The following GRAMD2B variants were observed in gnomAD, a reference collection of about 807,000 sequenced individuals.
The protein encoded by GRAMD2B is GRAM domain containing 2B.
In GRAMD2B, 41 loss-of-function variants were observed where a neutral mutation model predicts 59.2. The ratio of observed to expected loss-of-function variants is 0.69; its 90% CI spans 0.54 to 0.90. GRAMD2B has a LOEUF of 0.90. GRAMD2B is among the 40% of genes least tolerant of loss of function. GRAMD2B has a pLI of 0.00. For missense variants in GRAMD2B, 424 were observed against 500.5 expected (o/e 0.85, Z 1.46); for synonymous variants, 161 against 182.7 (o/e 0.88, Z 0.96).
intron 1 of GRAMD2B, among the ~76,000 whole-genome samples, chr5:126,437,910 A>G (rs998692410): frequency 1.3e-5 from 2 of 152,246 alleles, no homozygotes; most frequent in Non-Finnish European, 2.9e-5. Context: ...TAGCCTGTGT[A>G]GACTTTACTG....
At chr5:126,476,956 G>A (rs997180707) in intron 5 of GRAMD2B, among the ~76,000 whole-genome samples, 1 of 152,110 alleles carries the variant, frequency 6.6e-6, no homozygotes, top group African/African-American at 2.4e-5. Context: ...GGCCTAGAAC[G>A]GATAGCTTAC....
chr5:126,465,277 G>A, intron 1 of GRAMD2B, 149 bp from the exon 2 acceptor site: 1 of 1,484,570 alleles, frequency 6.7e-7, no homozygotes, highest in Non-Finnish European at 8.9e-7. Context: ...AATGGAGATT[G>A]GGAAAGGGCC....
chr5:126,416,996 C>T (rs1399063981), intron 1 of GRAMD2B, among the ~76,000 whole-genome samples: 1 of 152,242 alleles, frequency 6.6e-6, no homozygotes, highest in African/African-American at 2.4e-5. Context: ...ATGGGTTTTA[C>T]CTGTTTTGTT....
chr5:126,493,020 G>A lies in GRAMD2B; in HGVS notation c.*64G>A. The A allele has an allele frequency of 1.4e-6, 2 of 1,410,608 alleles. No homozygotes were observed. The highest frequency in any genetic ancestry group is 1.0e-6 in the Non-Finnish European group (1 of 999,120). 87.4% of individuals were successfully genotyped at this position (1,410,608 alleles called of 1,614,324 possible). ...TCCCTTTGAAGAAGGTGCTTCCTGA[G>A]GCGTTTTGTTTGAGTGCACCCTGCT... is the stretch of plus-strand genomic sequence containing the variant. On this transcript the variant is annotated 3_prime_UTR_variant, in exon 14 of 14. Coordinates refer to ENST00000285689, the MANE Select transcript of GRAMD2B (RefSeq NM_023927.4).
intron 1 of GRAMD2B, among the ~76,000 whole-genome samples, chr5:126,385,529 T>A (rs943762543): frequency 2.6e-5 from 4 of 152,250 alleles, no homozygotes; most frequent in Non-Finnish European, 5.9e-5. Context: ...CATCCATTTT[T>A]AATTTAATAT....
rs73783614 is a variant in GRAMD2B, at chr5:126,364,820, A to G, written c.128+4361A>G. Among the ~76,000 whole-genome samples the G allele has an allele frequency of 1.1e-3, 161 of 152,336 alleles. 2 individuals are homozygous for G. The highest frequency in any genetic ancestry group is 3.7e-3 in the African/African-American group (155 of 41,576). On this transcript the variant is annotated intron_variant, in intron 1 of 13. Coordinates refer to the GRAMD2B transcript ENST00000513040. ...AAACATCTTGGCCAGTGGTATGTTC[A>G]TTCCCAAACAAATCTTTCTGAGATG...
chr5:126,367,163 A>C (rs1754494578), upstream of GRAMD2B, among the ~76,000 whole-genome samples: 1 of 152,140 alleles, frequency 6.6e-6, no homozygotes, highest in Non-Finnish European at 1.5e-5. Flanking sequence ...GGCCCAGACC[A>C]AGGCTTTTTT....
At chr5:126,483,684 T>C in intron 9 of GRAMD2B, 110 bp downstream of exon 9, 1 of 617,896 alleles carries the variant, frequency 1.6e-6, no homozygotes, top group South Asian at 2.2e-5. Context: ...ACCCACATTG[T>C]CTTCCTAGTT....
intron 1 of GRAMD2B, among the ~76,000 whole-genome samples, chr5:126,450,652 TAAAAAAAAAAA>T (rs10544199): frequency 1.1e-4 from 11 of 96,054 alleles, no homozygotes; most frequent in East Asian, 6.8e-4. Context: ...AGCCTGCTGT[TAAAAAAAAAAA>T]AAAAAAAAAA....
chr5:126,374,132 G>A (rs923990838), intron 1 of GRAMD2B, among the ~76,000 whole-genome samples: 1 of 152,186 alleles, frequency 6.6e-6, no homozygotes, highest in African/African-American at 2.4e-5. Flanking sequence ...CATAGATTAT[G>A]AACATGATTA....
At chr5:126,470,293 G>C (rs191079205) in intron 3 of GRAMD2B, among the ~76,000 whole-genome samples, 2 of 152,194 alleles carry the variant, frequency 1.3e-5, no homozygotes, top group African/African-American at 2.4e-5. Flanking sequence ...TCATCAGAGA[G>C]TGTGATGCAT....
At chr5:126,483,899 G>A (rs1043546838) in intron 9 of GRAMD2B, among the ~76,000 whole-genome samples, 3 of 152,104 alleles carry the variant, frequency 2.0e-5, no homozygotes, top group African/African-American at 7.2e-5. Flanking sequence ...GCACAATCTC[G>A]GCTCCTGCAA....
At chr5:126,420,671 G>T (rs1759645563), upstream of GRAMD2B, among the ~76,000 whole-genome samples, 3 of 152,182 alleles carry the variant, frequency 2.0e-5, no homozygotes, top group Admixed American at 6.5e-5. Flanking sequence ...AAAGAGGGCT[G>T]ACCATGATTT....
At chr5:126,488,976 AG>A in intron 13 of GRAMD2B, 84 bp downstream of exon 13, 1 of 843,366 alleles carries the variant, frequency 1.2e-6, no homozygotes, top group Non-Finnish European at 2.0e-6. Flanking sequence ...TTACACACTC[AG>A]ACGCCGTTAG....
At chr5:126,404,946 C>T (rs984190510) in intron 1 of GRAMD2B, among the ~76,000 whole-genome samples, 1 of 151,936 alleles carries the variant, frequency 6.6e-6, no homozygotes, top group Admixed American at 6.6e-5. Context: ...TTAATTATCA[C>T]AACCACTCTT....
upstream of GRAMD2B, among the ~76,000 whole-genome samples, chr5:126,421,908 C>T (rs1435820986): frequency 2.0e-5 from 3 of 152,156 alleles, no homozygotes; most frequent in Admixed American, 1.3e-4. Context: ...AAATGAAGGA[C>T]TTGCAGCCCC....
intron 1 of GRAMD2B, among the ~76,000 whole-genome samples, chr5:126,431,848 C>G (rs1187167544): frequency 6.6e-6 from 1 of 152,196 alleles, no homozygotes; most frequent in East Asian, 1.9e-4. Context: ...CTTCTTTTCT[C>G]TCTGTATTCT....
At chr5:126,444,328 G>A (rs569605272) in intron 1 of GRAMD2B, among the ~76,000 whole-genome samples, 17 of 152,260 alleles carry the variant, frequency 1.1e-4, no homozygotes, top group African/African-American at 3.1e-4. Context: ...CCTTTCTTCC[G>A]TGCCCTCTCT....
intron 1 of GRAMD2B, among the ~76,000 whole-genome samples, chr5:126,397,507 A>G (rs200098433): frequency 1.3e-5 from 2 of 152,102 alleles, no homozygotes; most frequent in South Asian, 2.1e-4. Context: ...TATAGGTGTG[A>G]GCCTCCACAC....
Sources: gnomAD v4.1 joint callset for allele counts (sites outside exome capture counted in the v4.1 genomes callset) on GRCh38, gnomAD v4.1.1 for gene constraint, MANE v1.5 for transcripts, NCBI Gene and HGNC (gene_info 2026-07-23, HGNC 2026-07-21) for gene names.